The following CNGA1 variants were observed in gnomAD, a reference collection of about 807,000 sequenced individuals.
CNGA1 encodes the protein cyclic nucleotide gated channel subunit alpha 1, also known as cyclic nucleotide-gated channel alpha-1.
A neutral mutation model predicts 69.7 loss-of-function variants in CNGA1; 53 were observed. The ratio of observed to expected loss-of-function variants is 0.76; its 90% CI spans 0.61 to 0.96. The LOEUF is 0.96. Among genes scored for constraint, CNGA1 ranks in the 40% least tolerant of loss-of-function variants. CNGA1 has a pLI of 0.00. For synonymous variants in CNGA1, 249 were observed against 283.5 expected, an observed-to-expected ratio of 0.88 and a Z score of 1.22; for missense variants, 739 against 811.2, an observed-to-expected ratio of 0.91 and a Z score of 1.08.
intron 3 of CNGA1, chr4:47,971,085 A>C: frequency 2.2e-6 from 1 of 454,314 alleles, no homozygotes; most frequent in Non-Finnish European, 4.4e-6. Flanking sequence ...AGCCTGGGCG[A>C]AGAGCGAGAC....
chr4:47,937,184 C>T lies in CNGA1; in HGVS notation c.1298G>A (p.Trp433Ter), dbSNP rs762935052. ...SKDMEKRVIKWFDYLWTNKKT... is the reference protein window; with the variant it reads ...SKDMEKRVIK The stretch of plus-strand genomic sequence containing the variant: ...TTTGTTGGTCCACAGGTAGTCAAAC[C>T]ATTTAATAACCCTCTTTTCCATATC... The change falls in exon 11 of 11, where the codon TGG becomes TAG. Residue 433 changes from tryptophan to a stop codon, truncating the protein, a stop_gained. Transcript: ENST00000514170. LOFTEE classifies it high-confidence loss of function. 1.2e-6 allele frequency: 2 copies of T among 1,614,150 alleles called. No individual in the cohort carries two copies. Among genetic ancestry groups the T allele is most frequent in the Admixed American group, 1.7e-5 (1 of 60,022 alleles).
At position 48,010,639 on chromosome 4, in the gene CNGA1, C is replaced by T. The variant is rs1236894555; in HGVS notation, c.-123+155G>A. Reference sequence around the variant, plus strand: ...TGAGTGTTATAGCTCTATTAGAAGCCGTGGGTCATGGAAGAGAACCGTAGA... The same window carrying T: ...TGAGTGTTATAGCTCTATTAGAAGCTGTGGGTCATGGAAGAGAACCGTAGA... On this transcript the variant is annotated intron_variant, in intron 2 of 10. Coordinates refer to ENST00000514170, the MANE Select transcript of CNGA1 (RefSeq NM_001379270.1). Among the ~76,000 whole-genome samples the T allele has an allele frequency of 4.6e-5, 7 of 152,276 alleles. No individual in the cohort carries two copies. The South Asian group carries it at 1.0e-3, about 23-fold the overall frequency.
rs768123452 is a variant in CNGA1 at position 47,936,566 on chromosome 4, C to T, written c.1916G>A (p.Arg639Gln). The T allele has an allele frequency of 3.3e-5, 54 of 1,614,078 alleles. No individual in the cohort carries two copies. Among genetic ancestry groups the T allele is most frequent in the Non-Finnish European group, 4.4e-5 (52 of 1,180,040 alleles). Residue 639 changes from arginine (R) to glutamine (Q), a missense_variant, in exon 11 of 11, where the codon CGA becomes CAA. By Grantham distance (43) the Arg-to-Gln change is conservative. Transcript: ENST00000514170. ...CATGGACTCATACTCAGCCAAGATT[C>T]GGGCAAACCTGGTTTGCAGGAGGTC... ...SVDLLQTRFA[R>Q]ILAEYESMQQ... is the part of the protein sequence containing the mutation.
At chr4:47,948,185 CAA>C (rs34818304) in intron 6 of CNGA1, among the ~76,000 whole-genome samples, 9 of 143,710 alleles carry the variant, frequency 6.3e-5, no homozygotes, top group Admixed American at 7.0e-5. Context: ...CACTTTAAGG[CAA>C]AAAAAAAAAA....
At chr4:48,003,166 A>G (rs1193361428) in intron 2 of CNGA1, among the ~76,000 whole-genome samples, 1 of 152,168 alleles carries the variant, frequency 6.6e-6, no homozygotes, top group African/African-American at 2.4e-5. Context: ...TAAGGTGAAC[A>G]CTGGTTCTGT....
At chr4:47,982,040 G>C (rs1369485010) in intron 2 of CNGA1, among the ~76,000 whole-genome samples, 1 of 152,124 alleles carries the variant, frequency 6.6e-6, no homozygotes, top group Non-Finnish European at 1.5e-5. Context: ...AGCTGAGCTT[G>C]CCTGAAAGAA....
intron 1 of CNGA1, among the ~76,000 whole-genome samples, chr4:48,011,473 G>A (rs964061504): frequency 6.6e-6 from 1 of 151,874 alleles, no homozygotes; most frequent in Non-Finnish European, 1.5e-5. Context: ...TTTAACCATT[G>A]AGTTCCTTTT....
chr4:47,975,919 T>A (rs1366572572), intron 3 of CNGA1, among the ~76,000 whole-genome samples: 1 of 151,732 alleles, frequency 6.6e-6, no homozygotes, highest in Non-Finnish European at 1.5e-5. Flanking sequence ...TATTTAATTA[T>A]AAAAATTATT....
chr4:47,941,223 T>G (rs570429541), intron 9 of CNGA1, among the ~76,000 whole-genome samples: 1 of 152,320 alleles, frequency 6.6e-6, no homozygotes, highest in South Asian at 2.1e-4. Flanking sequence ...ACTTGGGTGA[T>G]GGACACTCTA....
intron 3 of CNGA1, among the ~76,000 whole-genome samples, chr4:47,968,126 A>G (rs1216795845): frequency 6.6e-6 from 1 of 152,218 alleles, no homozygotes; most frequent in South Asian, 2.1e-4. Flanking sequence ...GTAGAGGACT[A>G]TAGGGGAACA....
chr4:48,005,063 T>C (rs147024033), intron 2 of CNGA1, among the ~76,000 whole-genome samples: 2 of 152,194 alleles, frequency 1.3e-5, no homozygotes, highest in East Asian at 3.9e-4. Context: ...AGTTTCCCAT[T>C]TTTACTAAAG....
chr4:47,971,989 G>T (rs914536035), intron 3 of CNGA1, among the ~76,000 whole-genome samples: 4 of 152,168 alleles, frequency 2.6e-5, no homozygotes, highest in Admixed American at 2.6e-4. Flanking sequence ...AGTCACTACT[G>T]TGAGTTTGGG....
chr4:47,955,991 C>T (rs1373853635), intron 3 of CNGA1, among the ~76,000 whole-genome samples: 1 of 152,214 alleles, frequency 6.6e-6, no homozygotes, highest in Admixed American at 6.5e-5. Context: ...CTTAGGGCGA[C>T]AGATATGGTG....
intron 2 of CNGA1, among the ~76,000 whole-genome samples, chr4:47,988,280 A>G (rs752468068): frequency 6.6e-6 from 1 of 152,190 alleles, no homozygotes; most frequent in Non-Finnish European, 1.5e-5. Flanking sequence ...GAGGGGAATT[A>G]GGAGTTCTAT....
chr4:47,955,293 C>T (rs1740017904), intron 3 of CNGA1, among the ~76,000 whole-genome samples: 1 of 150,374 alleles, frequency 6.7e-6, no homozygotes, highest in Non-Finnish European at 1.5e-5. Context: ...AGCTGTTCTC[C>T]TGTCTCAGCC....
chr4:47,951,883 G>C (rs1384861578), intron 4 of CNGA1, among the ~76,000 whole-genome samples: 2 of 152,126 alleles, frequency 1.3e-5, no homozygotes, highest in Non-Finnish European at 2.9e-5. Context: ...TATAGGGTAA[G>C]CACTTTAAAT....
intron 3 of CNGA1, chr4:47,970,766 G>A (rs1454711882): frequency 7.6e-6 from 3 of 392,448 alleles, no homozygotes; most frequent in Admixed American, 2.6e-5. Context: ...TCCTACCTCT[G>A]GTACCTTGTT....
At chr4:47,945,334 A>T (rs1739330972) in intron 6 of CNGA1, among the ~76,000 whole-genome samples, 1 of 152,230 alleles carries the variant, frequency 6.6e-6, no homozygotes, top group African/African-American at 2.4e-5. Flanking sequence ...GCCAAGACCC[A>T]TGAAGAAAGA....
At chr4:47,950,617 A>ACAATGGGAAGGCTGGAGGTAGT (rs1739682009) in intron 5 of CNGA1, among the ~76,000 whole-genome samples, 1 of 152,206 alleles carries the variant, frequency 6.6e-6, no homozygotes, top group Non-Finnish European at 1.5e-5. Flanking sequence ...CTAAATAAAA[A>ACAATGGGAAGGCTGGAGGTAGT]CAATGGGAAG....
Sources: gnomAD v4.1 joint callset for allele counts (sites outside exome capture counted in the v4.1 genomes callset) on GRCh38, gnomAD v4.1.1 for gene constraint, MANE v1.5 for transcripts, NCBI Gene and HGNC (gene_info 2026-07-23, HGNC 2026-07-21) for gene names.